Variants in SHKBP1 observed in about 807,000 individuals in gnomAD.
SHKBP1 encodes SH3KBP1-binding protein 1.
Under a neutral mutation model 83.9 loss-of-function variants are expected in SHKBP1, and 71 were observed. That is an observed-to-expected ratio of 0.85 (90% CI 0.70 to 1.03). SHKBP1 has a LOEUF of 1.03. Ranked by LOEUF, SHKBP1 falls within the 50% of genes least tolerant of loss-of-function variation. The probability of loss-of-function intolerance (pLI) is 0.00; values close to 1 mark genes in which losing one functional copy is unlikely to be tolerated. For missense variants in SHKBP1, 824 were observed against 982.4 expected (o/e 0.84, Z 2.16); for synonymous variants, 371 against 398.0 (o/e 0.93, Z 0.81).
intron 9 of SHKBP1, 136 bp downstream of exon 9, chr19:40,581,072 C>T: frequency 1.2e-6 from 1 of 837,542 alleles, no homozygotes; most frequent in Non-Finnish European, 1.7e-6. Context: ...TAGAATGCTC[C>T]AGCCCTTCAG....
Position 40,590,691 on chromosome 19 carries a change from C to T in SHKBP1, c.1769-39C>T, listed in dbSNP as rs1974593815. On this transcript the variant is annotated intron_variant, in intron 16 of 17. Coordinates refer to ENST00000291842, the MANE Select transcript of SHKBP1 (RefSeq NM_138392.4). The surrounding 1 kb of genome is among the most constrained non-coding windows in gnomAD (Gnocchi z 4.6). ...GCAACCCAGGCCCTTGCCCTATGAC[C>T]CCTGTCTTGCCCCCTGACCCTGCTT... 6.5e-7 allele frequency: 1 copy of T among 1,546,554 alleles called. No homozygotes were observed. Among genetic ancestry groups the T allele is most frequent in the African/African-American group, 1.4e-5 (1 of 73,674 alleles).
In SHKBP1 at chr19:40,580,905, T is replaced by C. The variant is rs1162827461; in HGVS notation, c.813T>C (p.Ala271=). ...CCGGCAGCGAGATCCTGCTATGGGC[T>C]CTGCAGGCGGAAGGCGGTGGCTCCG... ...AATGSEILLW[A]LQAEGGGSEI... Residue 271 remains alanine, a synonymous_variant, in exon 9 of 18, where the codon GCT becomes GCC. Coordinates refer to ENST00000291842, the MANE Select transcript of SHKBP1 (RefSeq NM_138392.4). 2 of 1,593,674 alleles carry C rather than the reference T, an allele frequency of 1.3e-6. No homozygotes were observed. The highest frequency in any genetic ancestry group is 8.6e-7 in the Non-Finnish European group (1 of 1,168,904).
intron 13 of SHKBP1, 124 bp downstream of exon 13, chr19:40,587,068 T>C (rs1437651699): frequency 1.2e-5 from 11 of 901,152 alleles, no homozygotes; most frequent in Non-Finnish European, 1.8e-5. Context: ...GCGGAGAGGA[T>C]TGACCTGGGA....
intron 14 of SHKBP1, 86 bp from the exon 15 acceptor site, chr19:40,588,996 G>T: frequency 1.4e-6 from 2 of 1,426,220 alleles, no homozygotes; most frequent in East Asian, 2.3e-5. Flanking sequence ...CTGGGGTCTT[G>T]GGGTGGTGGG....
rs1029366449 is a variant in SHKBP1, at chr19:40,577,161, C to T, written c.87-70C>T. 10 of 1,583,466 alleles carry T rather than the reference C, an allele frequency of 6.3e-6. No individual in the cohort carries two copies. In the African/African-American group the frequency reaches 1.2e-4, roughly 19 times the overall value. On this transcript the variant is annotated intron_variant, in intron 1 of 17. Coordinates refer to ENST00000291842, the MANE Select transcript of SHKBP1 (RefSeq NM_138392.4). The stretch of plus-strand genomic sequence containing the variant: ...GGGGAAGGGGAGGGAACCCTGGATC[C>T]TGCGGGAGGGGGACGCATTCCTCAC...
rs199917906 is a variant in SHKBP1, at chr19:40,578,552, C to T, written c.400+10C>T. The T allele has an allele frequency of 8.1e-6, 13 of 1,604,806 alleles. No individual in the cohort carries two copies. Among genetic ancestry groups the T allele is most frequent in the East Asian group, 4.5e-5 (2 of 44,612 alleles). On this transcript the variant is annotated intron_variant, in intron 6 of 17. Transcript: ENST00000291842. Reference sequence around the variant, plus strand: ...TACCTGCCGCCACCAGGTAGGCACTCCCAATGGAATGGAGGGGCGCGGAGG... The same window carrying T: ...TACCTGCCGCCACCAGGTAGGCACTTCCAATGGAATGGAGGGGCGCGGAGG...
chr19:40,587,283 T>C (rs964220299), intron 13 of SHKBP1, among the ~76,000 whole-genome samples: 8 of 152,008 alleles, frequency 5.3e-5, no homozygotes, highest in African/African-American at 1.9e-4. Flanking sequence ...TGGCAGACAA[T>C]AAATCTATAA....
At chr19:40,582,834 T>G in intron 10 of SHKBP1, among the ~76,000 whole-genome samples, 1 of 151,378 alleles carries the variant, frequency 6.6e-6, no homozygotes, top group African/African-American at 2.4e-5. Flanking sequence ...GAGGATGGCT[T>G]TGGGAGAAAG....
chr19:40,584,057 T>C (rs946109830), intron 12 of SHKBP1, among the ~76,000 whole-genome samples: 2 of 152,016 alleles, frequency 1.3e-5, no homozygotes, highest in African/African-American at 2.4e-5. Flanking sequence ...GCCAGGCTGG[T>C]CTTGAACTCC....
At chr19:40,588,908 G>A in intron 14 of SHKBP1, 129 bp downstream of exon 14, 2 of 1,369,104 alleles carry the variant, frequency 1.5e-6, no homozygotes, top group South Asian at 1.3e-5. Context: ...TGATCCTTGA[G>A]GCACCTGAGC....
chr19:40,580,493 T>A lies in SHKBP1; in HGVS notation c.562+8T>A. On this transcript the variant is annotated splice_region_variant and intron_variant, in intron 7 of 17. Coordinates refer to ENST00000291842, the MANE Select transcript of SHKBP1 (RefSeq NM_138392.4). ...CCCCTCCCTCACCCTCAGGTACGTT[T>A]CTATCTCGTGGAAGGTTGGGGCAGC... 6.2e-7 allele frequency: 1 copy of A among 1,613,518 alleles called. No individual in the cohort carries two copies. Among genetic ancestry groups the A allele is most frequent in the Non-Finnish European group, 8.5e-7 (1 of 1,179,594 alleles).
At chr19:40,577,479 G>C (rs776634356) in intron 3 of SHKBP1, 38 bp downstream of exon 3, 1 of 1,613,816 alleles carries the variant, frequency 6.2e-7, no homozygotes, top group African/African-American at 1.3e-5. Context: ...TGGGGGGGAG[G>C]GGTTGGTAGG....
intron 12 of SHKBP1, 85 bp downstream of exon 12, chr19:40,583,802 G>T: frequency 9.9e-7 from 1 of 1,005,918 alleles, no homozygotes; most frequent in South Asian, 1.3e-5. Flanking sequence ...TGTGTAGCAT[G>T]ACCCAGAGGG....
At position 40,578,496 on chromosome 19, in the gene SHKBP1, ATCT is replaced by A. The variant is rs747407958; in HGVS notation, c.359_361del (p.Ser120del). 90 of 1,613,984 alleles carry A rather than the reference ATCT, an allele frequency of 5.6e-5. No homozygotes were observed. The South Asian group carries it at 6.5e-4, about 12-fold the overall frequency. On this transcript the variant is annotated inframe_deletion, in exon 6 of 18. Coordinates refer to ENST00000291842, the MANE Select transcript of SHKBP1 (RefSeq NM_138392.4). ...TGCAGCTTCGAGAGGAGTTGGATCGATCTTCTTGTGGAAACGTCCTCTTCAATG... is the reference window on the plus strand; with the variant it reads ...TGCAGCTTCGAGAGGAGTTGGATCGATCTTGTGGAAACGTCCTCTTCAATG...
Position 40,580,807 on chromosome 19 carries a change from G to A in SHKBP1, c.715G>A (p.Glu239Lys), listed in dbSNP as rs767454720. Reference protein sequence around the residue: ...FSSPRLDWPIERLALTARVHG... With the variant: ...FSSPRLDWPIKRLALTARVHG... ...CAGCCCCCGCCTGGACTGGCCCATC[G>A]AACGACTGGCGCTCACAGCCCGGGT... is the stretch of plus-strand genomic sequence containing the variant. The change falls in exon 9 of 18, where the codon GAA (glutamate) becomes AAA (lysine). Residue 239 changes from glutamate to lysine, a missense_variant. Around this residue, in one of 3 missense-constraint regions of SHKBP1, gnomAD observed 355 missense variants for 386.4 expected, o/e 0.92. Coordinates refer to ENST00000291842, the MANE Select transcript of SHKBP1 (RefSeq NM_138392.4). 1.2e-6 allele frequency: 2 copies of A among 1,613,020 alleles called. No homozygotes were observed. Among genetic ancestry groups the A allele is most frequent in the Non-Finnish European group, 8.5e-7 (1 of 1,179,494 alleles).
At chr19:40,578,903 A>G (rs1017604636) in intron 6 of SHKBP1, among the ~76,000 whole-genome samples, 1 of 152,130 alleles carries the variant, frequency 6.6e-6, no homozygotes, top group African/African-American at 2.4e-5. Flanking sequence ...CCCACTGGCC[A>G]TGGAAGGTAT....
At position 40,588,854 on chromosome 19, in the gene SHKBP1, C is replaced by G; in HGVS notation, c.1492+75C>G. On this transcript the variant is annotated intron_variant, in intron 14 of 17. Transcript: ENST00000291842. ...CCCTGTTGACCTCCGCTGATTCCCA[C>G]TTGCGGCCACCTGACCCAGGAGCCT... 1.9e-6 allele frequency: 3 copies of G among 1,554,996 alleles called. No homozygotes were observed. The African/African-American group carries it at 4.1e-5, about 21-fold the overall frequency.
At position 40,590,505 on chromosome 19, in the gene SHKBP1, T is replaced by C; in HGVS notation, c.1768+83T>C. On this transcript the variant is annotated intron_variant, in intron 16 of 17. Coordinates refer to ENST00000291842, the MANE Select transcript of SHKBP1 (RefSeq NM_138392.4). This position sits in a 1 kb window ranked among gnomAD's most constrained non-coding sequence, Gnocchi z 4.6. ...TCTCCACTGCCAACTGCTTGATCTCTCTCCCAGGCCCTTGCCCTCTGACCC... is the reference window on the plus strand; with the variant it reads ...TCTCCACTGCCAACTGCTTGATCTCCCTCCCAGGCCCTTGCCCTCTGACCC... The C allele has an allele frequency of 6.8e-7, 1 of 1,471,694 alleles. No homozygotes were observed. The highest frequency in any genetic ancestry group is 9.2e-7 in the Non-Finnish European group (1 of 1,084,874). The allele number at this position is 1,471,694 out of a possible 1,614,324, so 91.2% of individuals were successfully genotyped here. A position where few individuals can be genotyped will look rare whatever the true frequency, so the allele number is the denominator to read the frequency against.
Position 40,580,913 on chromosome 19 carries a change from C to T in SHKBP1, c.821C>T (p.Ala274Val), listed in dbSNP as rs114925319. Residue 274 changes from alanine to valine, a missense_variant, in exon 9 of 18, where the codon GCG becomes GTG. Physicochemically the swap from Ala to Val is moderately conservative, Grantham distance 64. Coordinates refer to ENST00000291842, the MANE Select transcript of SHKBP1 (RefSeq NM_138392.4). ...GSEILLWALQ[A>V]EGGGSEIGVF... is the part of the protein sequence containing the mutation. ...GAGATCCTGCTATGGGCTCTGCAGG[C>T]GGAAGGCGGTGGCTCCGAGATAGGT... 406 of 1,583,064 alleles carry T rather than the reference C, an allele frequency of 2.6e-4. 2 individuals are homozygous for T. In the African/African-American group the frequency reaches 4.4e-3, roughly 17 times the overall value.
Sources: gnomAD v4.1 joint callset for allele counts (sites outside exome capture counted in the v4.1 genomes callset) on GRCh38, gnomAD v4.1.1 for gene constraint, gnomAD v4.1.1 regional missense constraint, Gnocchi (gnomAD v3.1) non-coding constraint, MANE v1.5 for transcripts, NCBI Gene and HGNC (gene_info 2026-07-23, HGNC 2026-07-21) for gene names.